CELF2: variants seen among roughly 807,000 people sequenced by gnomAD.
CELF2 encodes CUGBP Elav-like family member 2.
A neutral mutation model predicts 62.6 loss-of-function variants in CELF2; 8 were observed. The ratio of observed to expected loss-of-function variants is 0.13; its 90% CI spans 0.07 to 0.23. The LOEUF is 0.23. Ranked by LOEUF, CELF2 falls within the 10% of genes least tolerant of loss-of-function variation. CELF2 has a pLI of 1.00. For synonymous variants in CELF2, 258 were observed against 250.0 expected (o/e 1.03, Z -0.30); for missense variants, 333 against 671.0 (o/e 0.50, Z 5.56).
chr10:10,480,246 A>G, the CELF2 span, among the ~76,000 whole-genome samples: 1 of 152,160 alleles, frequency 6.6e-6, no homozygotes, highest in African/African-American at 2.4e-5. Context: ...GCCTCCTCCA[A>G]CAGGCCTCTG....
At chr10:10,672,496 T>C in the CELF2 span, among the ~76,000 whole-genome samples, 2 of 152,082 alleles carry the variant, frequency 1.3e-5, no homozygotes, top group African/African-American at 4.8e-5. Context: ...TTCCTTTTTT[T>C]TTTTTTTTAA....
At chr10:11,281,093 C>A (rs552764847) in intron 8 of CELF2, among the ~76,000 whole-genome samples, 17 of 151,830 alleles carry the variant, frequency 1.1e-4, no homozygotes, top group African/African-American at 4.1e-4. Context: ...CTCATTTCTT[C>A]CTGATGGCCC....
intron 2 of CELF2, among the ~76,000 whole-genome samples, chr10:10,982,685 C>G (rs372201036): frequency 2.6e-5 from 4 of 152,224 alleles, no homozygotes; most frequent in South Asian, 4.1e-4. Flanking sequence ...AAGTTGGTTC[C>G]CTTCTAAACT....
the CELF2 span, among the ~76,000 whole-genome samples, chr10:10,618,108 T>C: frequency 3.3e-5 from 5 of 152,194 alleles, no homozygotes; most frequent in African/African-American, 1.2e-4. Context: ...CTTGCCTGGA[T>C]TGCCGACACA....
At chr10:10,872,706 A>G (rs934310646) in intron 1 of CELF2, among the ~76,000 whole-genome samples, 2 of 152,196 alleles carry the variant, frequency 1.3e-5, no homozygotes, top group Non-Finnish European at 2.9e-5. Context: ...AGGCTCTCCC[A>G]TAGCCTGGTG....
intron 1 of CELF2, among the ~76,000 whole-genome samples, chr10:10,814,554 A>G (rs941979902): frequency 6.6e-6 from 1 of 152,148 alleles, no homozygotes; most frequent in African/African-American, 2.4e-5. Flanking sequence ...CCCACTTCCA[A>G]CACGTGCCTC....
chr10:10,989,481 GT>G (rs2053191166), intron 2 of CELF2, among the ~76,000 whole-genome samples: 1 of 151,974 alleles, frequency 6.6e-6, no homozygotes, highest in African/African-American at 2.4e-5. Context: ...AATGATACTG[GT>G]TAAACTTCCC....
chr10:11,200,265 C>G (rs1036966255), intron 2 of CELF2, among the ~76,000 whole-genome samples: 1 of 152,216 alleles, frequency 6.6e-6, no homozygotes, highest in African/African-American at 2.4e-5. Flanking sequence ...AGGTAGGTAT[C>G]TCACATTCAG....
the CELF2 span, among the ~76,000 whole-genome samples, chr10:10,506,670 A>ATTTTTTTTT: frequency 0.055 from 3,528 of 64,556 alleles, 991 homozygotes; most frequent in East Asian, 0.1. Context: ...CCTCCTGTGA[A>ATTTTTTTTT]TTTTTTTTTT....
the CELF2 span, among the ~76,000 whole-genome samples, chr10:10,541,005 G>T: frequency 6.6e-6 from 1 of 152,006 alleles, no homozygotes. Context: ...CAGCCTGGGC[G>T]ACAAGGTGGG....
At chr10:10,797,811 G>T (rs2054243244), upstream of CELF2, among the ~76,000 whole-genome samples, 1 of 152,170 alleles carries the variant, frequency 6.6e-6, no homozygotes, top group African/African-American at 2.4e-5. Flanking sequence ...ATGAAAATAA[G>T]AAATCAGTAC....
At position 10,815,343 on chromosome 10, in the gene CELF2, A is replaced by C. The variant is rs539801084; in HGVS notation, c.53+16526A>C. Reference sequence around the variant, plus strand: ...TTGCTCAATTAATATTTCTGCAGGAAAGGAGGAAATGGTCATTATTTATAT... The same window carrying C: ...TTGCTCAATTAATATTTCTGCAGGACAGGAGGAAATGGTCATTATTTATAT... On this transcript the variant is annotated intron_variant, in intron 1 of 13. Transcript: ENST00000636488. 3.9e-3 allele frequency among the ~76,000 whole-genome samples: 591 copies of C among 152,182 alleles called. 1 individual carries two copies. The highest frequency in any genetic ancestry group is 0.014 in the African/African-American group (568 of 41,524).
the CELF2 span, among the ~76,000 whole-genome samples, chr10:10,656,799 C>A: frequency 7.0e-6 from 1 of 143,002 alleles, no homozygotes; most frequent in Non-Finnish European, 1.5e-5. Context: ...TGCAGCGCAC[C>A]AGCATGGCAC....
At chr10:11,063,480 C>T (rs372698072) in intron 1 of CELF2, among the ~76,000 whole-genome samples, 1 of 152,294 alleles carries the variant, frequency 6.6e-6, no homozygotes, top group East Asian at 1.9e-4. Flanking sequence ...TTGCTGTGTG[C>T]TAAGCGCTGT....
At chr10:10,862,424 T>A (rs1384936477) in intron 1 of CELF2, among the ~76,000 whole-genome samples, 6 of 152,254 alleles carry the variant, frequency 3.9e-5, no homozygotes, top group Admixed American at 3.9e-4. Flanking sequence ...CTGGAACTCA[T>A]TTGGGCTGTC....
the CELF2 span, among the ~76,000 whole-genome samples, chr10:10,657,254 G>A: frequency 6.6e-6 from 1 of 152,156 alleles, no homozygotes; most frequent in Non-Finnish European, 1.5e-5. Flanking sequence ...CTTATGATTT[G>A]CTGGAGAAAA....
At chr10:10,985,437 A>G (rs1458432119) in intron 2 of CELF2, among the ~76,000 whole-genome samples, 1 of 152,202 alleles carries the variant, frequency 6.6e-6, no homozygotes, top group African/African-American at 2.4e-5. Context: ...AGTTTGATAG[A>G]TCTGCCTTTC....
At chr10:10,679,951 C>T in the CELF2 span, among the ~76,000 whole-genome samples, 17 of 152,172 alleles carry the variant, frequency 1.1e-4, no homozygotes, top group African/African-American at 3.6e-4. Flanking sequence ...AGTTTTTCCT[C>T]TTTATTAAAA....
intron 1 of CELF2, among the ~76,000 whole-genome samples, chr10:10,892,913 C>T (rs1038186401): frequency 3.9e-5 from 6 of 152,210 alleles, no homozygotes; most frequent in Non-Finnish European, 8.8e-5. Flanking sequence ...TTATTCCTTA[C>T]ATTCAGGTAG....
Sources: allele counts gnomAD v4.1 joint callset (sites outside exome capture counted in the v4.1 genomes callset), GRCh38; gene constraint gnomAD v4.1.1; transcripts MANE v1.5; gene names NCBI Gene and HGNC (gene_info 2026-07-23, HGNC 2026-07-21).